Variants in SMYD3 observed in about 807,000 individuals in gnomAD.
SMYD3 encodes histone-lysine N-methyltransferase SMYD3.
SMYD3 carries 36 observed loss-of-function variants against 57.7 expected under a neutral mutation model. The ratio of observed to expected loss-of-function variants is 0.62; its 90% CI spans 0.48 to 0.82. The LOEUF (loss-of-function observed/expected upper bound fraction) is 0.82, where lower values mean the gene tolerates loss of function less well. Among genes scored for constraint, SMYD3 ranks in the 40% least tolerant of loss-of-function variants. The probability of loss-of-function intolerance (pLI) is 0.00; values close to 1 mark genes in which losing one functional copy is unlikely to be tolerated. For missense variants in SMYD3, 515 were observed against 538.8 expected, an observed-to-expected ratio of 0.96 and a Z score of 0.44; for synonymous variants, 211 against 195.0, an observed-to-expected ratio of 1.08 and a Z score of -0.68.
At chr1:245,881,628 T>G (rs565089222) in intron 8 of SMYD3, among the ~76,000 whole-genome samples, 9 of 152,296 alleles carry the variant, frequency 5.9e-5, no homozygotes, top group South Asian at 4.2e-4. Context: ...AGAACAAGAC[T>G]GATAGGGTCA....
chr1:245,846,930 T>C (rs964407391), intron 10 of SMYD3, among the ~76,000 whole-genome samples: 3 of 152,210 alleles, frequency 2.0e-5, no homozygotes, highest in African/African-American at 7.2e-5. Flanking sequence ...ATGATTGGTG[T>C]CCTTTATGCA....
At position 246,253,968 on chromosome 1, in the gene SMYD3, A is replaced by G. The variant is rs549610819; in HGVS notation, c.531+73233T>C. Among the ~76,000 whole-genome samples the G allele has an allele frequency of 7.9e-5, 12 of 152,296 alleles. No homozygotes were observed. In the South Asian group the frequency reaches 1.5e-3, roughly 18 times the overall value. On this transcript the variant is annotated intron_variant, in intron 5 of 11. Transcript: ENST00000490107. The stretch of plus-strand genomic sequence containing the variant: ...GAACTAGGTTTATATTCCCATCCAC[A>G]TAAGTACTCCCTTTTCTCTTTTTCT...
At chr1:246,088,895 C>T (rs2060774111) in intron 5 of SMYD3, among the ~76,000 whole-genome samples, 1 of 152,068 alleles carries the variant, frequency 6.6e-6, no homozygotes, top group Non-Finnish European at 1.5e-5. Flanking sequence ...ATTTTATATC[C>T]AGAAAAGTTT....
At chr1:246,294,981 CATGAGATA>C (rs2064765147) in intron 5 of SMYD3, among the ~76,000 whole-genome samples, 1 of 152,104 alleles carries the variant, frequency 6.6e-6, no homozygotes. Context: ...GTGGAGGTTA[CATGAGATA>C]ATACATAAAT....
chr1:246,423,549 A>C (rs2067175852), intron 1 of SMYD3, among the ~76,000 whole-genome samples: 1 of 152,090 alleles, frequency 6.6e-6, no homozygotes, highest in South Asian at 2.1e-4. Flanking sequence ...AAAATGTTTT[A>C]AAGTAGTCAG....
At position 246,040,206 on chromosome 1, in the gene SMYD3, A is replaced by G. The variant is rs78801588; in HGVS notation, c.532-110269T>C. 6.9e-3 allele frequency among the ~76,000 whole-genome samples: 1,049 copies of G among 152,332 alleles called. 6 individuals are homozygous for G. Among genetic ancestry groups the G allele is most frequent in the Middle Eastern group, 0.034 (10 of 294 alleles). ...GGATATTTCCTGTATTACATATACA[A>G]CCGGGATATTAATAACAACAAAGAT... is the stretch of plus-strand genomic sequence containing the variant. On this transcript the variant is annotated intron_variant, in intron 5 of 11. Coordinates refer to ENST00000490107, the MANE Select transcript of SMYD3 (RefSeq NM_001167740.2).
rs2047186364 is a variant in SMYD3 at position 245,789,674 on chromosome 1, T to C, written c.1077-25525A>G. Among the ~76,000 whole-genome samples, 3 of 152,224 alleles carry C rather than the reference T, an allele frequency of 2.0e-5. No homozygotes were observed. The South Asian group carries it at 6.2e-4, about 32-fold the overall frequency. On this transcript the variant is annotated intron_variant, in intron 10 of 11. Transcript: ENST00000490107. ...AGAGAATTTTATAAGCTCTATATTT[T>C]ACCTATTTCCACCATTTTCCAATTC...
chr1:246,111,197 A>G (rs556435654), intron 5 of SMYD3: 79 of 152,292 alleles, frequency 5.2e-4, no homozygotes, highest in African/African-American at 1.6e-3. Context: ...GGCAACTTAC[A>G]TACTTAAGTT....
chr1:245,754,439 T>G (rs1376098290), intron 11 of SMYD3, among the ~76,000 whole-genome samples: 1 of 151,938 alleles, frequency 6.6e-6, no homozygotes, highest in Non-Finnish European at 1.5e-5. Context: ...ATAAAGCAGG[T>G]TTTCTTATTC....
In SMYD3 at chr1:245,857,177, C is replaced by G. The variant is rs530294414; in HGVS notation, c.1076+1319G>C. On this transcript the variant is annotated intron_variant, in intron 10 of 11. Coordinates refer to ENST00000490107, the MANE Select transcript of SMYD3 (RefSeq NM_001167740.2). ...TTCACCCACAGGCAGTGGAGGAAAC[C>G]ATCTACAGAAGTCCCGAAAACATGC... is the stretch of plus-strand genomic sequence containing the variant. Among the ~76,000 whole-genome samples the G allele has an allele frequency of 4.4e-3, 676 of 152,274 alleles. 2 individuals carry two copies. Among genetic ancestry groups the G allele is most frequent in the Non-Finnish European group, 7.3e-3 (497 of 68,014 alleles).
intron 5 of SMYD3, among the ~76,000 whole-genome samples, chr1:246,058,443 C>A (rs1399853829): frequency 6.6e-6 from 1 of 152,210 alleles, no homozygotes; most frequent in Non-Finnish European, 1.5e-5. Flanking sequence ...ATGGTGGAAA[C>A]TATGAATGAT....
chr1:246,358,471 G>A (rs1572416657), intron 1 of SMYD3, among the ~76,000 whole-genome samples: 2 of 152,070 alleles, frequency 1.3e-5, no homozygotes, highest in African/African-American at 4.8e-5. Flanking sequence ...GGACTTAACA[G>A]ATATTTACAG....
chr1:245,797,579 A>G (rs752652506), intron 10 of SMYD3, among the ~76,000 whole-genome samples: 3 of 151,736 alleles, frequency 2.0e-5, no homozygotes, highest in South Asian at 2.1e-4. Flanking sequence ...AATGTAAATG[A>G]CAAGTTAATG....
chr1:246,191,406 T>G (rs2062737017), intron 5 of SMYD3, among the ~76,000 whole-genome samples: 1 of 152,206 alleles, frequency 6.6e-6, no homozygotes, highest in African/African-American at 2.4e-5. Flanking sequence ...TTGGGTGGCC[T>G]TGACAAGTTA....
At chr1:246,503,225 C>T (rs1008514922) in intron 1 of SMYD3, among the ~76,000 whole-genome samples, 1 of 152,222 alleles carries the variant, frequency 6.6e-6, no homozygotes, top group Non-Finnish European at 1.5e-5. Context: ...AGGGATGACA[C>T]GTCTACTTCC....
intron 10 of SMYD3, among the ~76,000 whole-genome samples, chr1:245,835,381 G>A (rs932333398): frequency 2.0e-5 from 3 of 152,136 alleles, no homozygotes; most frequent in Non-Finnish European, 2.9e-5. Flanking sequence ...GCCTCCCAAA[G>A]TGCTGGGATT....
chr1:246,327,092 A>G, intron 5 of SMYD3, 109 bp downstream of exon 5: 1 of 1,306,798 alleles, frequency 7.7e-7, no homozygotes, highest in South Asian at 1.2e-5. Flanking sequence ...ATAAGGCATT[A>G]AGGGTCTTGA....
intron 10 of SMYD3, among the ~76,000 whole-genome samples, chr1:245,800,425 G>A (rs1038724532): frequency 1.3e-5 from 2 of 151,790 alleles, no homozygotes; most frequent in African/African-American, 4.8e-5. Flanking sequence ...TATATATGCT[G>A]GGTTTTTTTT....
chr1:245,939,119 G>A (rs2057111588), intron 5 of SMYD3, among the ~76,000 whole-genome samples: 1 of 150,530 alleles, frequency 6.6e-6, no homozygotes. Context: ...CTCCAGCCTC[G>A]GCGACAGAGC....
Sources: allele counts gnomAD v4.1 joint callset (sites outside exome capture counted in the v4.1 genomes callset), GRCh38; gene constraint gnomAD v4.1.1; transcripts MANE v1.5; gene names NCBI Gene and HGNC (gene_info 2026-07-23, HGNC 2026-07-21).